The following DCLRE1C variants were observed in gnomAD, a reference collection of about 807,000 sequenced individuals.
DCLRE1C encodes DNA cross-link repair 1C, also known as protein artemis.
Under a neutral mutation model 61.4 loss-of-function variants are expected in DCLRE1C, and 47 were observed. That is an observed-to-expected ratio of 0.77 (90% confidence interval 0.61 to 0.98). The LOEUF (loss-of-function observed/expected upper bound fraction) is 0.98. Ranked by LOEUF, DCLRE1C falls within the 50% of genes least tolerant of loss-of-function variation. DCLRE1C has a pLI of 0.00. For missense variants in DCLRE1C, 858 were observed against 816.0 expected, an observed-to-expected ratio of 1.05 and a Z score of -0.63; for synonymous variants, 337 against 287.6, an observed-to-expected ratio of 1.17 and a Z score of -1.74.
At chr10:14,903,247 A>T (rs1834141140), downstream of DCLRE1C, 1 of 152,196 alleles carries the variant, frequency 6.6e-6, no homozygotes, top group South Asian at 2.1e-4. Context: ...GCTTCTTTGA[A>T]AGGACATGAT....
intron 13 of DCLRE1C, 57 bp from the exon 14 acceptor site, chr10:14,909,387 G>C (rs1423126828): frequency 6.8e-7 from 1 of 1,467,392 alleles, no homozygotes; most frequent in South Asian, 1.2e-5. Flanking sequence ...CCAATTTGTA[G>C]TATTTATCTG....
In DCLRE1C at chr10:14,911,991, T is replaced by C. The variant is rs576549159; in HGVS notation, c.1157-2661A>G. 3.7e-4 allele frequency among the ~76,000 whole-genome samples: 57 copies of C among 152,320 alleles called. 1 individual carries two copies. The highest frequency in any genetic ancestry group is 1.3e-3 in the African/African-American group (53 of 41,560). On this transcript the variant is annotated intron_variant, in intron 13 of 13. Coordinates refer to ENST00000378278, the MANE Select transcript of DCLRE1C (RefSeq NM_001033855.3). ...ACATATTGCCGGAGAGAATGTAAAATGTATTCAGTGTGGGAATGTTTGGCA... is the reference window on the plus strand; with the variant it reads ...ACATATTGCCGGAGAGAATGTAAAACGTATTCAGTGTGGGAATGTTTGGCA...
At chr10:14,947,039 C>G (rs12248073) in intron 2 of DCLRE1C, among the ~76,000 whole-genome samples, 2 of 152,008 alleles carry the variant, frequency 1.3e-5, no homozygotes, top group African/African-American at 4.8e-5. Flanking sequence ...TGGTGAAACC[C>G]CATCTCTACT....
At chr10:14,939,078 G>C (rs1299183988) in intron 4 of DCLRE1C, among the ~76,000 whole-genome samples, 4 of 152,114 alleles carry the variant, frequency 2.6e-5, no homozygotes, top group Non-Finnish European at 5.9e-5. Flanking sequence ...CTTTATAAAA[G>C]ACACCCAGGG....
intron 9 of DCLRE1C, among the ~76,000 whole-genome samples, chr10:14,929,914 C>T (rs544328183): frequency 2.0e-5 from 3 of 146,468 alleles, no homozygotes; most frequent in East Asian, 2.0e-4. Flanking sequence ...TAAAGGAGTG[C>T]GTGACCTAAA....
chr10:14,938,840 C>A (rs550609966), intron 4 of DCLRE1C, among the ~76,000 whole-genome samples: 1 of 152,080 alleles, frequency 6.6e-6, no homozygotes, highest in Admixed American at 6.6e-5. Flanking sequence ...ATATCAACAC[C>A]AGGGTTCCCA....
Position 14,905,370 on chromosome 10 carries a change from A to G in DCLRE1C, c.*3038T>C, listed in dbSNP as rs1316603580. On this transcript the variant is annotated 3_prime_UTR_variant, in exon 14 of 14. Transcript: ENST00000378278. ...ACCAGGTACGTAAACATACTATGGTAAGTACTGCCTAGAAATGCAAAGGAA... is the reference window on the plus strand; with the variant it reads ...ACCAGGTACGTAAACATACTATGGTGAGTACTGCCTAGAAATGCAAAGGAA... 1.3e-5 allele frequency among the ~76,000 whole-genome samples: 2 copies of G among 152,250 alleles called. No individual in the cohort carries two copies. The highest frequency in any genetic ancestry group is 2.9e-5 in the Non-Finnish European group (2 of 68,036).
intron 11 of DCLRE1C, among the ~76,000 whole-genome samples, chr10:14,926,525 G>A (rs1838003017): frequency 6.6e-6 from 1 of 151,878 alleles, no homozygotes; most frequent in South Asian, 2.1e-4. Flanking sequence ...ATGGTGGTGG[G>A]CACCTGTAGT....
chr10:14,899,053 C>T, exon 14 of DCLRE1C: 1 of 582,764 alleles, frequency 1.7e-6, no homozygotes, highest in Non-Finnish European at 3.1e-6. Flanking sequence ...ATAAATCAAC[C>T]AGTTACAGTT....
chr10:14,902,528 A>G (rs767388338), downstream of DCLRE1C: 14 of 1,454,942 alleles, frequency 9.6e-6, no homozygotes, highest in South Asian at 1.7e-4. Flanking sequence ...TTCAGGAAAT[A>G]GAGCTGATGA....
At chr10:14,900,411 A>AGT (rs1833920866), downstream of DCLRE1C, among the ~76,000 whole-genome samples, 1 of 152,232 alleles carries the variant, frequency 6.6e-6, no homozygotes, top group Non-Finnish European at 1.5e-5. Context: ...ATATAAAGGA[A>AGT]GTAGACCATG....
At position 14,910,759 on chromosome 10, in the gene DCLRE1C, C is replaced by T. The variant is rs560788387; in HGVS notation, c.1157-1429G>A. 2.7e-5 allele frequency among the ~76,000 whole-genome samples: 4 copies of T among 146,044 alleles called. No individual in the cohort carries two copies. In the South Asian group the frequency reaches 6.8e-4, roughly 25 times the overall value. ...AGATTAAAGGAAGAAAGGACTTTTGCTTCCAGGTAAGATGGAGTAACGGAC... is the reference window on the plus strand; with the variant it reads ...AGATTAAAGGAAGAAAGGACTTTTGTTTCCAGGTAAGATGGAGTAACGGAC... On this transcript the variant is annotated intron_variant, in intron 13 of 13. Transcript: ENST00000378278.
chr10:14,945,579 G>A (rs1474985950), intron 2 of DCLRE1C: 6 of 1,030,272 alleles, frequency 5.8e-6, no homozygotes, highest in East Asian at 1.8e-4. Context: ...GAAAGATACC[G>A]CCACACATTA....
At chr10:14,949,000 T>G (rs573722373) in intron 2 of DCLRE1C, 36 bp downstream of exon 2, 2 of 1,471,430 alleles carry the variant, frequency 1.4e-6, no homozygotes, top group Non-Finnish European at 1.9e-6. Context: ...TCAATTAAAA[T>G]GTTTGCTTAA....
At chr10:14,933,012 T>C (rs1231191974) in intron 8 of DCLRE1C, 57 bp from the exon 9 acceptor site, 2 of 1,587,474 alleles carry the variant, frequency 1.3e-6, no homozygotes, top group Non-Finnish European at 1.7e-6. Context: ...TATAAATTGT[T>C]CAAGGTTAAT....
chr10:14,928,686 C>T (rs1294112417), intron 9 of DCLRE1C, among the ~76,000 whole-genome samples: 2 of 151,884 alleles, frequency 1.3e-5, no homozygotes, highest in Admixed American at 1.3e-4. Context: ...TAACTACTCT[C>T]AATTGGTTTG....
chr10:14,900,114 T>C (rs1365115889), downstream of DCLRE1C, among the ~76,000 whole-genome samples: 7 of 152,206 alleles, frequency 4.6e-5, no homozygotes, highest in African/African-American at 1.7e-4. Flanking sequence ...ATGTTAACTT[T>C]TTATAAAATT....
intron 13 of DCLRE1C, among the ~76,000 whole-genome samples, chr10:14,915,338 T>C (rs1835995564): frequency 6.6e-6 from 1 of 150,718 alleles, no homozygotes; most frequent in African/African-American, 2.4e-5. Context: ...AGAGAGAAAA[T>C]GAAAATAAAA....
intron 10 of DCLRE1C, 22 bp from the exon 11 acceptor site, chr10:14,926,919 A>C: frequency 1.2e-6 from 2 of 1,608,646 alleles, no homozygotes; most frequent in Non-Finnish European, 1.7e-6. Context: ...TGAAAACACA[A>C]AATAAAAAGA....
Sources: gnomAD v4.1 joint callset for allele counts (sites outside exome capture counted in the v4.1 genomes callset) on GRCh38, gnomAD v4.1.1 for gene constraint, MANE v1.5 for transcripts, NCBI Gene and HGNC (gene_info 2026-07-23, HGNC 2026-07-21) for gene names.